Variants in EFEMP2 observed in about 807,000 individuals in gnomAD.
The protein encoded by EFEMP2 is EGF-containing fibulin-like extracellular matrix protein 2.
EFEMP2 carries 21 observed loss-of-function variants against 55.3 expected under a neutral mutation model. That is an observed-to-expected ratio of 0.38 (90% CI 0.27 to 0.55). The LOEUF is 0.55. Among genes scored for constraint, EFEMP2 ranks in the 20% least tolerant of loss-of-function variants. The probability of loss-of-function intolerance (pLI) is 0.77; values close to 1 mark genes in which losing one functional copy is unlikely to be tolerated. For missense variants in EFEMP2, 513 were observed against 615.1 expected, an observed-to-expected ratio of 0.83 and a Z score of 1.76; for synonymous variants, 275 against 242.3, an observed-to-expected ratio of 1.14 and a Z score of -1.25.
At chr11:65,868,205 GGCACTC>G in intron 9 of EFEMP2, 84 bp downstream of exon 9, 1 of 1,589,056 alleles carries the variant, frequency 6.3e-7, no homozygotes, top group Non-Finnish European at 8.6e-7. Context: ...ATCCCTCAGG[GGCACTC>G]GCTGGTCTGA....
At position 65,872,146 on chromosome 11, in the gene EFEMP2, C is replaced by G; in HGVS notation, c.111+98G>C. 9 of 1,500,334 alleles carry G rather than the reference C, an allele frequency of 6.0e-6. No homozygotes were observed. The South Asian group carries it at 1.1e-4, about 18-fold the overall frequency. The allele number at this position is 1,500,334 out of a possible 1,614,324, so 92.9% of individuals were successfully genotyped here. ...ACAATGGCCCCCAGCTCTCCACCAG[C>G]CAGGGGAGGAAGACTTCCCCGGCAG... On this transcript the variant is annotated intron_variant, in intron 2 of 10. Coordinates refer to ENST00000307998, the MANE Select transcript of EFEMP2 (RefSeq NM_016938.5).
Position 65,871,358 on chromosome 11 carries a change from T to C in EFEMP2, c.166A>G (p.Asn56Asp). The C allele has an allele frequency of 1.9e-6, 3 of 1,614,140 alleles. No homozygotes were observed. Among genetic ancestry groups the C allele is most frequent in the Non-Finnish European group, 2.5e-6 (3 of 1,179,984 alleles). Reference sequence around the variant, plus strand: ...GCCTCAGGGATGGTCAGACACTCGTTGACATCTGCAGAGAGGGGCCTGCTG... The same window carrying C: ...GCCTCAGGGATGGTCAGACACTCGTCGACATCTGCAGAGAGGGGCCTGCTG... ...DPDSQHCRDV[N>D]ECLTIPEACK... Residue 56 changes from asparagine to aspartate, a missense_variant, in exon 4 of 11, where the codon AAC becomes GAC. Asn to Asp is a conservative substitution (Grantham distance 23, BLOSUM62 1). Transcript: ENST00000307998.
Position 65,867,882 on chromosome 11 carries a change from C to T in EFEMP2, c.1149G>A (p.Ser383=). 8.1e-6 allele frequency: 13 copies of T among 1,614,084 alleles called. No homozygotes were observed. Among genetic ancestry groups the T allele is most frequent in the Non-Finnish European group, 1.1e-5 (13 of 1,180,028 alleles). Residue 383 remains serine, a synonymous_variant, in exon 10 of 11, where the codon TCG becomes TCA. Coordinates refer to ENST00000307998, the MANE Select transcript of EFEMP2 (RefSeq NM_016938.5). ...YNAFQIRAGN[S]QGDFYIRQIN... ...TTACCCTAATGTAAAAGTCCCCCTGCGAGTTTCCAGCACGGATCTGAAAGG... is the reference window on the plus strand; with the variant it reads ...TTACCCTAATGTAAAAGTCCCCCTGTGAGTTTCCAGCACGGATCTGAAAGG...
In EFEMP2 at chr11:65,868,081, C is replaced by A. The variant is rs2234470; in HGVS notation, c.975-25G>T. The A allele has an allele frequency of 1.4e-3, 2,196 of 1,611,344 alleles. 28 individuals carry two copies. In the African/African-American group the frequency reaches 0.026, roughly 19 times the overall value. On this transcript the variant is annotated intron_variant, in intron 9 of 10. Transcript: ENST00000307998. ...GCTAGAGACCCCGAGGTGGGGGACA[C>A]AAATGAGCTCCTTGCCCGTCCCCCC...
rs1283578259 is a variant in EFEMP2, at chr11:65,869,858, A to G, written c.726T>C (p.Ser242=). 1.2e-6 allele frequency: 2 copies of G among 1,613,752 alleles called. No individual in the cohort carries two copies. Among genetic ancestry groups the G allele is most frequent in the Non-Finnish European group, 1.7e-6 (2 of 1,179,978 alleles). ...ACACAGCAGGGATGGAGCTCTCACC[A>G]CTGCAGGAGAAGCCATCCCGATGCA... is the stretch of plus-strand genomic sequence containing the variant. ...YELHRDGFSC[S]DIDECSYSSY... The change falls in exon 7 of 11, where the codon AGT becomes AGC. Residue 242 remains serine, a splice_region_variant and synonymous_variant. Transcript: ENST00000307998.
rs1391252555 is a variant in EFEMP2, at chr11:65,869,981, G to T, written c.608-5C>A. ...CCATGTCACACTCGTTCACATCTGG[G>T]GGTGCCAGGAAAAACAGGAGGGATG... On this transcript the variant is annotated splice_region_variant and splice_polypyrimidine_tract_variant and intron_variant, in intron 6 of 10. Coordinates refer to ENST00000307998, the MANE Select transcript of EFEMP2 (RefSeq NM_016938.5). 21 of 1,613,654 alleles carry T rather than the reference G, an allele frequency of 1.3e-5. No homozygotes were observed. The highest frequency in any genetic ancestry group is 1.7e-5 in the Non-Finnish European group (20 of 1,179,922).
In EFEMP2 at chr11:65,869,919, C is replaced by G. The variant is rs754271053; in HGVS notation, c.665G>C (p.Gly222Ala). 1 of 1,614,028 alleles carries G rather than the reference C, an allele frequency of 6.2e-7. No homozygotes were observed. The highest frequency in any genetic ancestry group is 8.5e-7 in the Non-Finnish European group (1 of 1,180,008). Reference protein sequence around the residue: ...PCEQRCFNSYGTFLCRCHQGY... With the variant: ...PCEQRCFNSYATFLCRCHQGY... ...CTGGTGGCAGCGACACAGGAAGGTC[C>G]CATAGGAGTTGAAGCAGCGCTGCTC... The change falls in exon 7 of 11, where the codon GGG (glycine) becomes GCG (alanine). Residue 222 changes from glycine to alanine, a missense_variant. By Grantham distance (60) the Gly-to-Ala change is moderately conservative (BLOSUM62 0). Coordinates refer to ENST00000307998, the MANE Select transcript of EFEMP2 (RefSeq NM_016938.5).
chr11:65,870,229 C>T lies in EFEMP2; in HGVS notation c.499G>A (p.Glu167Lys), dbSNP rs763944898. 3.1e-6 allele frequency: 5 copies of T among 1,613,284 alleles called. No individual in the cohort carries two copies. The highest frequency in any genetic ancestry group is 1.1e-5 in the South Asian group (1 of 91,046). Reference sequence around the variant, plus strand: ...TGCTGGCAGTAGCGGTAGCGGCACTCGTCTATGTCTAGGGATAGAGGCAGG... The same window carrying T: ...TGCTGGCAGTAGCGGTAGCGGCACTTGTCTATGTCTAGGGATAGAGGCAGG... ...KIGPECVDID[E>K]CRYRYCQHRC... is the part of the protein sequence containing the mutation. Residue 167 changes from glutamate (E) to lysine (K), a missense_variant, in exon 6 of 11, where the codon GAG becomes AAG. Glu to Lys is a moderately conservative substitution (Grantham distance 56). Coordinates refer to ENST00000307998, the MANE Select transcript of EFEMP2 (RefSeq NM_016938.5).
chr11:65,866,872 C>T lies in EFEMP2; in HGVS notation c.*46G>A, dbSNP rs769542611. Reference sequence around the variant, plus strand: ...TTCTCATTCTGCCCCTCACAACAGGCTCCTCAGCTAGGGTAGCTGCAGGGA... The same window carrying T: ...TTCTCATTCTGCCCCTCACAACAGGTTCCTCAGCTAGGGTAGCTGCAGGGA... On this transcript the variant is annotated 3_prime_UTR_variant, in exon 11 of 11. Transcript: ENST00000307998. 1 of 1,611,034 alleles carries T rather than the reference C, an allele frequency of 6.2e-7. No homozygotes were observed. Among genetic ancestry groups the T allele is most frequent in the Non-Finnish European group, 8.5e-7 (1 of 1,177,568 alleles).
chr11:65,868,168 T>C (rs1859895379), intron 9 of EFEMP2, 112 bp from the exon 10 acceptor site: 5 of 1,561,680 alleles, frequency 3.2e-6, no homozygotes, highest in Admixed American at 3.7e-5. Flanking sequence ...CTGTGACTGG[T>C]TTTCATGAAG....
chr11:65,869,642 G>A, intron 7 of EFEMP2: 1 of 659,190 alleles, frequency 1.5e-6, no homozygotes, highest in South Asian at 1.7e-5. Context: ...AGTCTCACCA[G>A]TAGGCTTCAG....
At position 65,866,781 on chromosome 11, in the gene EFEMP2, TGAG is replaced by T; in HGVS notation, c.*134_*136del. The T allele has an allele frequency of 8.6e-7, 1 of 1,158,246 alleles. No individual in the cohort carries two copies. Among genetic ancestry groups the T allele is most frequent in the Non-Finnish European group, 1.3e-6 (1 of 792,270 alleles). 71.7% of individuals were successfully genotyped at this position (1,158,246 alleles called of 1,614,324 possible). ...CCCCAAGTGCCACCCTGCCCCAGCCTGAGGCTTCCTGCAGTGTGACCCGCCCAC... is the reference window on the plus strand; with the variant it reads ...CCCCAAGTGCCACCCTGCCCCAGCCTGCTTCCTGCAGTGTGACCCGCCCAC... On this transcript the variant is annotated 3_prime_UTR_variant, in exon 11 of 11. Transcript: ENST00000307998.
chr11:65,871,870 G>A, intron 3 of EFEMP2, 100 bp downstream of exon 3: 1 of 1,437,514 alleles, frequency 7.0e-7, no homozygotes, highest in Non-Finnish European at 9.5e-7. Flanking sequence ...GGGCTGCTGG[G>A]CTCCCACGGC....
At chr11:65,870,984 G>T in intron 4 of EFEMP2, 173 bp downstream of exon 4, 1 of 835,130 alleles carries the variant, frequency 1.2e-6, no homozygotes, top group Non-Finnish European at 1.9e-6. Flanking sequence ...GCTGGCTGGA[G>T]CAGTGGCACA....
At chr11:65,869,124 A>G (rs79186018) in intron 7 of EFEMP2, 4,036 of 257,376 alleles carry the variant, frequency 0.016, 163 homozygotes, top group African/African-American at 0.08. Flanking sequence ...ATCCCGCAGC[A>G]AAGCATAACA....
chr11:65,870,897 T>C, intron 4 of EFEMP2: 1 of 712,412 alleles, frequency 1.4e-6, no homozygotes, highest in Non-Finnish European at 2.4e-6. Context: ...CTCCAAGGCC[T>C]GTGGCTCCCA....
chr11:65,871,276 C>T lies in EFEMP2; in HGVS notation c.248G>A (p.Arg83His), dbSNP rs1281626120. 1.3e-5 allele frequency: 21 copies of T among 1,614,048 alleles called. No homozygotes were observed. The highest frequency in any genetic ancestry group is 1.8e-5 in the Non-Finnish European group (21 of 1,179,982). ...TAGGTCGTTGATGACGGCAGCGGAGCGGGGCAGGCACAAGTAGCCCCCGTA... is the reference window on the plus strand; with the variant it reads ...TAGGTCGTTGATGACGGCAGCGGAGTGGGGCAGGCACAAGTAGCCCCCGTA... ...NHYGGYLCLP[R>H]SAAVINDLHG... Residue 83 changes from arginine (R) to histidine (H), a missense_variant, in exon 4 of 11, where the codon CGC (arginine) becomes CAC (histidine). Physicochemically the swap from Arg to His is conservative, Grantham distance 29. Transcript: ENST00000307998.
chr11:65,868,520 G>A lies in EFEMP2; in HGVS notation c.837C>T (p.Arg279=). 6.2e-7 allele frequency: 1 copy of A among 1,614,030 alleles called. No individual in the cohort carries two copies. Among genetic ancestry groups the A allele is most frequent in the South Asian group, 1.1e-5 (1 of 91,086 alleles). Residue 279 remains arginine, a synonymous_variant, in exon 8 of 11, where the codon CGC becomes CGT. Coordinates refer to ENST00000307998, the MANE Select transcript of EFEMP2 (RefSeq NM_016938.5). ...CPQGYQLLAT[R]LCQDIDECES... is the part of the protein sequence containing the mutation. ...CCGGGCAACCTGTACCTTGGCAGAGGCGTGTGGCCAGCAGCTGGTAACCCT... is the reference window on the plus strand; with the variant it reads ...CCGGGCAACCTGTACCTTGGCAGAGACGTGTGGCCAGCAGCTGGTAACCCT...
At chr11:65,869,806 C>G in intron 7 of EFEMP2, 51 bp downstream of exon 7, 2 of 1,611,644 alleles carry the variant, frequency 1.2e-6, no homozygotes, top group South Asian at 2.2e-5. Flanking sequence ...CACGGCATAG[C>G]TAGGGCCTGG....
Sources: allele counts gnomAD v4.1 joint callset, GRCh38; gene constraint gnomAD v4.1.1; transcripts MANE v1.5; gene names NCBI Gene and HGNC (gene_info 2026-07-23, HGNC 2026-07-21).